The following ADAM7 variants were observed in gnomAD, a reference collection of about 807,000 sequenced individuals.
The protein encoded by ADAM7 is disintegrin and metalloproteinase domain-containing protein 7.
In ADAM7, 97 loss-of-function variants were observed where a neutral mutation model predicts 102.9. That is an observed-to-expected ratio of 0.94 (90% CI 0.80 to 1.12). The LOEUF (loss-of-function observed/expected upper bound fraction) is 1.12. Ranked by LOEUF, ADAM7 falls within the 50% of genes most tolerant of loss-of-function variation. ADAM7 has a pLI of 0.00. For synonymous variants in ADAM7, 334 were observed against 304.4 expected, an observed-to-expected ratio of 1.10 and a Z score of -1.01; for missense variants, 991 against 908.7, an observed-to-expected ratio of 1.09 and a Z score of -1.16.
rs1047931984 is a variant in ADAM7, at chr8:24,500,791, T to C, written c.2004T>C (p.Asn668=). 1 of 1,612,282 alleles carries C rather than the reference T, an allele frequency of 6.2e-7. No homozygotes were observed. The highest frequency in any genetic ancestry group is 8.5e-7 in the Non-Finnish European group (1 of 1,178,796). Residue 668 remains asparagine (N), a splice_region_variant and synonymous_variant, in exon 19 of 22, where the codon AAT becomes AAC. Transcript: ENST00000175238. ...VACEETLHVT[N]ITILVVVLVL... ...AGCCCATGTTTCTTCATGTTGCAGA[T>C]ATCACCATCTTGGTTGTTGTGCTTG...
chr8:24,463,635 A>T (rs901249437), intron 3 of ADAM7, among the ~76,000 whole-genome samples: 1 of 152,130 alleles, frequency 6.6e-6, no homozygotes, highest in African/African-American at 2.4e-5. Context: ...AAGCTATTTT[A>T]AAAATACTGC....
Position 24,498,275 on chromosome 8 carries a change from T to C in ADAM7, c.1843-961T>C, listed in dbSNP as rs1820627286. On this transcript the variant is annotated intron_variant, in intron 16 of 21. Coordinates refer to ENST00000175238, the MANE Select transcript of ADAM7 (RefSeq NM_003817.4). ...ACAATGTAGTATCTGATTTACTCAA[T>C]CAAAAACTTGAATTGAGAGAAAGAG... Among the ~76,000 whole-genome samples the C allele has an allele frequency of 2.0e-5, 3 of 151,804 alleles. No individual in the cohort carries two copies. The South Asian group carries it at 6.2e-4, about 32-fold the overall frequency.
intron 20 of ADAM7, among the ~76,000 whole-genome samples, chr8:24,504,063 TAAATA>T (rs1554545486): frequency 3.4e-5 from 4 of 118,408 alleles, no homozygotes; most frequent in Admixed American, 9.2e-5. Context: ...TAAAATAAAA[TAAATA>T]AAATAAAAAA....
chr8:24,453,964 G>T (rs532308346), intron 3 of ADAM7, among the ~76,000 whole-genome samples: 1 of 152,172 alleles, frequency 6.6e-6, no homozygotes, highest in Non-Finnish European at 1.5e-5. Flanking sequence ...GCAGAACAGC[G>T]GACTTTTGTG....
chr8:24,492,251 A>G (rs1820385194), intron 14 of ADAM7, 153 bp downstream of exon 14: 1 of 794,910 alleles, frequency 1.3e-6, no homozygotes, highest in Non-Finnish European at 2.0e-6. Context: ...TACCTGTCAT[A>G]TTAGTTGATC....
chr8:24,492,095 G>A lies in ADAM7; in HGVS notation c.1549G>A (p.Asp517Asn). The change falls in exon 14 of 22, where the codon GAT (aspartate) becomes AAT (asparagine). Residue 517 changes from aspartate to asparagine, a missense_variant. By Grantham distance (23) the Asp-to-Asn change is conservative (BLOSUM62 1). Transcript: ENST00000175238. Reference sequence around the variant, plus strand: ...GGATCAGTGCTCTGAACTATTTGATGATGGTGAGAGATAATCACAGTGAAG... The same window carrying A: ...GGATCAGTGCTCTGAACTATTTGATAATGGTGAGAGATAATCACAGTGAAG... ...REDQCSELFDDEAIESHDICY... is the reference protein window; with the variant it reads ...REDQCSELFDNEAIESHDICY... The A allele has an allele frequency of 1.2e-6, 2 of 1,611,082 alleles. No homozygotes were observed. Among genetic ancestry groups the A allele is most frequent in the East Asian group, 2.2e-5 (1 of 44,844 alleles).
Position 24,476,407 on chromosome 8 carries a change from T to C in ADAM7, c.634-26T>C, listed in dbSNP as rs752292825. 11 of 1,500,312 alleles carry C rather than the reference T, an allele frequency of 7.3e-6. No homozygotes were observed. The South Asian group carries it at 1.2e-4, about 16-fold the overall frequency. The allele number at this position is 1,500,312 out of a possible 1,614,324, so 92.9% of individuals were successfully genotyped here. A position where few individuals can be genotyped will look rare whatever the true frequency, so the allele number is the denominator to read the frequency against. ...TTATGCAACTCCTATTATTAATGAA[T>C]ATTAATATGATATTTATATTTCCAG... On this transcript the variant is annotated intron_variant, in intron 7 of 21. Transcript: ENST00000175238.
chr8:24,447,251 T>C lies in ADAM7; in HGVS notation c.222T>C (p.Leu74=), dbSNP rs764149428. Residue 74 remains leucine, a synonymous_variant, in exon 3 of 22, where the codon CTT becomes CTC. Transcript: ENST00000175238. ...ATAGAAAAACCTTAGTCCTTCATCT[T>C]CTAAGATCCAGGTAAGTTCTATTGT... The part of the protein sequence containing the change: ...KLNRKTLVLH[L]LRSREFLGSN... 4 of 1,519,534 alleles carry C rather than the reference T, an allele frequency of 2.6e-6. No individual in the cohort carries two copies. The highest frequency in any genetic ancestry group is 2.4e-5 in the East Asian group (1 of 42,182). 94.1% of individuals were successfully genotyped at this position (1,519,534 alleles called of 1,614,324 possible). A position where few individuals can be genotyped will look rare whatever the true frequency, so the allele number is the denominator to read the frequency against.
intron 16 of ADAM7, among the ~76,000 whole-genome samples, chr8:24,497,188 C>T (rs376913315): frequency 3.3e-5 from 5 of 152,132 alleles, no homozygotes; most frequent in East Asian, 1.9e-4. Context: ...ACTTGCTCCT[C>T]CTTGCTTTCT....
chr8:24,487,441 G>T, intron 11 of ADAM7, 124 bp downstream of exon 11: 1 of 1,212,632 alleles, frequency 8.2e-7, no homozygotes, highest in African/African-American at 1.6e-5. Flanking sequence ...GAGGTCAGGA[G>T]TTCGAGACCA....
At chr8:24,473,691 A>G (rs17738359) in intron 7 of ADAM7, among the ~76,000 whole-genome samples, 20,347 of 152,124 alleles carry the variant, frequency 0.13, 1,785 homozygotes, top group Non-Finnish European at 0.19. Flanking sequence ...TCTTATGAGA[A>G]AGTAAAATTA....
chr8:24,494,570 G>A (rs1435844809), intron 16 of ADAM7, among the ~76,000 whole-genome samples: 9 of 152,142 alleles, frequency 5.9e-5, no homozygotes, highest in South Asian at 2.1e-4. Flanking sequence ...CACGTACTCC[G>A]CATAGAGAGC....
In ADAM7 at chr8:24,492,509, C is replaced by T. The variant is rs777437200; in HGVS notation, c.1567C>T (p.His523Tyr). ...ELFDDEAIES[H>Y]DICYKMNTKG... ...TTTTACCCCAGAGGCAATAGAGAGT[C>T]ATGATATCTGCTACAAGATGAATAC... Residue 523 changes from histidine (H) to tyrosine (Y), a missense_variant, in exon 15 of 22, where the codon CAT becomes TAT. By Grantham distance (83) the His-to-Tyr change is moderately conservative. Transcript: ENST00000175238. 6 of 1,609,084 alleles carry T rather than the reference C, an allele frequency of 3.7e-6. No homozygotes were observed. The Admixed American group carries it at 6.7e-5, about 18-fold the overall frequency.
rs368088656 is a variant in ADAM7 at position 24,476,058 on chromosome 8, C to T, written c.634-375C>T. 983 of 428,984 alleles carry T rather than the reference C, an allele frequency of 2.3e-3. 1 individual carries two copies. The highest frequency in any genetic ancestry group is 4.1e-3 in the Non-Finnish European group (883 of 215,402). The allele number at this position is 428,984 out of a possible 1,614,324, so 26.6% of individuals were successfully genotyped here. Reference sequence around the variant, plus strand: ...AAGGACTAATAAAGTTGCTGTTCTTCGCCATATAGATTGCTTTGTAGCTTT... The same window carrying T: ...AAGGACTAATAAAGTTGCTGTTCTTTGCCATATAGATTGCTTTGTAGCTTT... On this transcript the variant is annotated intron_variant, in intron 7 of 21. Coordinates refer to ENST00000175238, the MANE Select transcript of ADAM7 (RefSeq NM_003817.4).
intron 14 of ADAM7, 61 bp from the exon 15 acceptor site, chr8:24,492,434 C>CTTTTATGA: frequency 2.5e-6 from 3 of 1,209,186 alleles, no homozygotes; most frequent in Non-Finnish European, 3.5e-6. Flanking sequence ...AAAATAAGGT[C>CTTTTATGA]TTTTATGATT....
Position 24,508,997 on chromosome 8 carries a change from A to C in ADAM7, c.*451A>C. On this transcript the variant is annotated 3_prime_UTR_variant, in exon 22 of 22. Transcript: ENST00000175238. ...ATCATTAGCACTAATTCTGGTTTAA[A>C]TGAAAGTCCTGCAGAAATGCCAAAG... 1 of 993,616 alleles carries C rather than the reference A, an allele frequency of 1.0e-6. No homozygotes were observed. The highest frequency in any genetic ancestry group is 1.2e-6 in the Non-Finnish European group (1 of 835,396). 61.5% of individuals were successfully genotyped at this position (993,616 alleles called of 1,614,324 possible). A position where few individuals can be genotyped will look rare whatever the true frequency, so the allele number is the denominator to read the frequency against.
At chr8:24,448,777 T>G (rs1242794907) in intron 3 of ADAM7, among the ~76,000 whole-genome samples, 1 of 152,068 alleles carries the variant, frequency 6.6e-6, no homozygotes, top group Non-Finnish European at 1.5e-5. Flanking sequence ...TCATTTAGCA[T>G]TAGGTATATC....
Position 24,482,279 on chromosome 8 carries a change from A to G in ADAM7, c.843A>G (p.Thr281=), listed in dbSNP as rs569773461. 8.1e-6 allele frequency: 13 copies of G among 1,611,462 alleles called. No homozygotes were observed. Among genetic ancestry groups the G allele is most frequent in the African/African-American group, 1.3e-5 (1 of 74,874 alleles). The part of the protein sequence containing the change: ...FSFWQEKILK[T]RKDFDHVVLL... ...TTTGGCAAGAAAAGATCCTTAAAACACGGAAGGATTTTGATCATGTTGTAT... is the reference window on the plus strand; with the variant it reads ...TTTGGCAAGAAAAGATCCTTAAAACGCGGAAGGATTTTGATCATGTTGTAT... The change falls in exon 9 of 22, where the codon ACA becomes ACG. Residue 281 remains threonine (T), a synonymous_variant. Transcript: ENST00000175238.
At chr8:24,463,733 T>C (rs1003246805) in intron 3 of ADAM7, 149 bp from the exon 4 acceptor site, 1 of 583,036 alleles carries the variant, frequency 1.7e-6, no homozygotes, top group Non-Finnish European at 3.0e-6. Flanking sequence ...TTCATATGAG[T>C]GGGCTTGATT....
Sources: allele counts gnomAD v4.1 joint callset (sites outside exome capture counted in the v4.1 genomes callset), GRCh38; gene constraint gnomAD v4.1.1; transcripts MANE v1.5; gene names NCBI Gene and HGNC (gene_info 2026-07-23, HGNC 2026-07-21).